Variants in SMOC2 observed in about 807,000 individuals in gnomAD.
SMOC2 encodes SPARC related modular calcium binding 2.
Under a neutral mutation model 61.4 loss-of-function variants are expected in SMOC2, and 39 were observed. The ratio of observed to expected loss-of-function variants is 0.64; its 90% CI spans 0.49 to 0.83. The LOEUF (loss-of-function observed/expected upper bound fraction) is 0.83. Ranked by LOEUF, SMOC2 falls within the 40% of genes least tolerant of loss-of-function variation. The pLI, the probability that SMOC2 is intolerant of heterozygous loss-of-function variation, is 0.00. For missense variants in SMOC2, 556 were observed against 592.9 expected, an observed-to-expected ratio of 0.94 and a Z score of 0.65; for synonymous variants, 247 against 239.9, an observed-to-expected ratio of 1.03 and a Z score of -0.27.
intron 1 of SMOC2, among the ~76,000 whole-genome samples, chr6:168,499,110 C>T (rs966364638): frequency 1.4e-5 from 2 of 147,614 alleles, no homozygotes; most frequent in Non-Finnish European, 3.0e-5. Context: ...CCCAGCCCTA[C>T]GAGCCACAGT....
chr6:168,659,726 G>A (rs1322577522), intron 11 of SMOC2, among the ~76,000 whole-genome samples: 2 of 87,460 alleles, frequency 2.3e-5, no homozygotes, highest in African/African-American at 4.7e-5. Context: ...GAGTGAGGGT[G>A]GAGGTTGTAG....
chr6:168,643,786 C>A (rs1786955043), intron 9 of SMOC2, among the ~76,000 whole-genome samples: 1 of 152,252 alleles, frequency 6.6e-6, no homozygotes, highest in Non-Finnish European at 1.5e-5. Flanking sequence ...GTGACTTGGG[C>A]CTCAGTTTCT....
intron 9 of SMOC2, among the ~76,000 whole-genome samples, chr6:168,636,827 C>T (rs1380074231): frequency 2.0e-5 from 3 of 151,960 alleles, no homozygotes; most frequent in Non-Finnish European, 4.4e-5. Flanking sequence ...TGGCCCTGGC[C>T]ATCAGTGGGG....
At chr6:168,451,750 A>G (rs1781474040) in intron 1 of SMOC2, among the ~76,000 whole-genome samples, 1 of 152,218 alleles carries the variant, frequency 6.6e-6, no homozygotes, top group South Asian at 2.1e-4. Flanking sequence ...GGATACGCAG[A>G]TCTGTGAGTA....
intron 1 of SMOC2, among the ~76,000 whole-genome samples, chr6:168,487,428 A>G (rs1399201339): frequency 2.6e-5 from 4 of 152,262 alleles, no homozygotes; most frequent in Non-Finnish European, 4.4e-5. Flanking sequence ...GGTGCATTTT[A>G]GTATTTATTG....
intron 1 of SMOC2, among the ~76,000 whole-genome samples, chr6:168,495,414 G>C (rs1256456019): frequency 6.6e-6 from 1 of 152,198 alleles, no homozygotes; most frequent in Non-Finnish European, 1.5e-5. Flanking sequence ...GTCGCTTCCA[G>C]AGCTCCAACA....
At position 168,560,267 on chromosome 6, in the gene SMOC2, C is replaced by T. The variant is rs79244554; in HGVS notation, c.637+11064C>T. On this transcript the variant is annotated intron_variant, in intron 7 of 12. Coordinates refer to ENST00000356284, the MANE Select transcript of SMOC2 (RefSeq NM_001166412.2). ...CACATTAGTAACTAATGCCAGAATA[C>T]GTCACGTCAGGCTATTGTGTTTCAG... Among the ~76,000 whole-genome samples, 698 of 152,222 alleles carry T rather than the reference C, an allele frequency of 4.6e-3. 1 individual carries two copies. Among genetic ancestry groups the T allele is most frequent in the Non-Finnish European group, 6.6e-3 (451 of 68,018 alleles).
chr6:168,506,559 A>G (rs1373359051), intron 1 of SMOC2, among the ~76,000 whole-genome samples: 2 of 152,196 alleles, frequency 1.3e-5, no homozygotes, highest in Admixed American at 1.3e-4. Flanking sequence ...TTAAGAAGAA[A>G]CATAGACCAT....
chr6:168,608,306 A>G, intron 9 of SMOC2, 67 bp downstream of exon 9: 1 of 1,514,178 alleles, frequency 6.6e-7, no homozygotes, highest in Non-Finnish European at 9.0e-7. Context: ...GCAAATTTGG[A>G]ATGAAAAAGA....
chr6:168,506,799 C>T (rs1782881632), intron 1 of SMOC2, among the ~76,000 whole-genome samples: 1 of 152,236 alleles, frequency 6.6e-6, no homozygotes, highest in Admixed American at 6.5e-5. Flanking sequence ...CTACATTTAG[C>T]AAAGTACTTT....
chr6:168,585,028 G>A (rs1442680562), intron 7 of SMOC2, among the ~76,000 whole-genome samples: 1 of 152,134 alleles, frequency 6.6e-6, no homozygotes, highest in African/African-American at 2.4e-5. Context: ...TGTGATCACA[G>A]CTCACTGCAG....
At chr6:168,464,405 A>G (rs1395861909) in intron 1 of SMOC2, among the ~76,000 whole-genome samples, 1 of 152,144 alleles carries the variant, frequency 6.6e-6, no homozygotes, top group Non-Finnish European at 1.5e-5. Context: ...ACGCTGTGCC[A>G]TCACTATCTG....
In SMOC2 at chr6:168,453,076, C is replaced by T. The variant is rs1018493225; in HGVS notation, c.84+11622C>T. Among the ~76,000 whole-genome samples, 1 of 152,216 alleles carries T rather than the reference C, an allele frequency of 6.6e-6. No individual in the cohort carries two copies. The highest frequency in any genetic ancestry group is 1.5e-5 in the Non-Finnish European group (1 of 68,030). On this transcript the variant is annotated intron_variant, in intron 1 of 12. Coordinates refer to ENST00000356284, the MANE Select transcript of SMOC2 (RefSeq NM_001166412.2). This position sits in a 1 kb window ranked among gnomAD's most constrained non-coding sequence, Gnocchi z 4.4. ...ACAGCCTCTGTTTCTGCACCAGAGT[C>T]CCCAGGGCCTTGGCCGGACACTCAG...
intron 9 of SMOC2, among the ~76,000 whole-genome samples, chr6:168,630,497 G>A (rs1009497637): frequency 5.3e-5 from 8 of 152,150 alleles, no homozygotes; most frequent in African/African-American, 1.7e-4. Flanking sequence ...GATGTATGTC[G>A]CCTCAGGACC....
chr6:168,569,598 G>A (rs991793316), intron 7 of SMOC2, among the ~76,000 whole-genome samples: 1 of 152,002 alleles, frequency 6.6e-6, no homozygotes. Context: ...ACACCACCAC[G>A]CCTGGTTAGT....
At chr6:168,595,141 A>C (rs1785288775) in intron 7 of SMOC2, among the ~76,000 whole-genome samples, 1 of 136,364 alleles carries the variant, frequency 7.3e-6, no homozygotes, top group Non-Finnish European at 1.6e-5. Context: ...AAGGCCTCAC[A>C]AGGGGCATCT....
chr6:168,588,853 G>C (rs912233531), intron 7 of SMOC2, among the ~76,000 whole-genome samples: 1 of 152,116 alleles, frequency 6.6e-6, no homozygotes, highest in Non-Finnish European at 1.5e-5. Context: ...AGAACTTTGG[G>C]AGGTCAGGGG....
At chr6:168,574,317 G>A (rs577272179) in intron 7 of SMOC2, among the ~76,000 whole-genome samples, 1 of 152,326 alleles carries the variant, frequency 6.6e-6, no homozygotes, top group East Asian at 1.9e-4. Context: ...CATAGGGCAG[G>A]TCAGCAGCCA....
intron 7 of SMOC2, among the ~76,000 whole-genome samples, chr6:168,577,114 A>G (rs1784821934): frequency 6.6e-6 from 1 of 152,214 alleles, no homozygotes; most frequent in Admixed American, 6.5e-5. Context: ...GACTTATTCC[A>G]TCTAAACATG....
Sources: gnomAD v4.1 joint callset for allele counts (sites outside exome capture counted in the v4.1 genomes callset) on GRCh38, gnomAD v4.1.1 for gene constraint, Gnocchi (gnomAD v3.1) non-coding constraint, MANE v1.5 for transcripts, NCBI Gene and HGNC (gene_info 2026-07-23, HGNC 2026-07-21) for gene names.